Variants in DNM1 observed in about 807,000 individuals in gnomAD.
The protein encoded by DNM1 is dynamin-1.
Under a neutral mutation model 104.6 loss-of-function variants are expected in DNM1, and 29 were observed. The ratio of observed to expected loss-of-function variants is 0.28; its 90% CI spans 0.21 to 0.38. The LOEUF (loss-of-function observed/expected upper bound fraction) is 0.38. Among genes scored for constraint, DNM1 ranks in the 10% least tolerant of loss-of-function variants. The pLI, the probability that DNM1 is intolerant of heterozygous loss-of-function variation, is 1.00. For synonymous variants in DNM1, 445 were observed against 475.8 expected, an observed-to-expected ratio of 0.94 and a Z score of 0.84; for missense variants, 640 against 1,189.4, an observed-to-expected ratio of 0.54 and a Z score of 6.79.
At chr9:128,211,762 T>G (rs1443676562) in intron 1 of DNM1, among the ~76,000 whole-genome samples, 2 of 152,176 alleles carry the variant, frequency 1.3e-5, no homozygotes, top group Non-Finnish European at 2.9e-5. Context: ...GGATGCCTTC[T>G]CTGATGACCC....
At chr9:128,210,040 C>CTGTTT (rs796576189) in intron 1 of DNM1, among the ~76,000 whole-genome samples, 1,662 of 150,744 alleles carry the variant, frequency 0.011, 40 homozygotes, top group African/African-American at 0.037. Flanking sequence ...TTTGTTTTGT[C>CTGTTT]TGTTTTGTTT....
chr9:128,250,391 C>A, intron 20 of DNM1, 35 bp downstream of exon 20: 1 of 1,533,878 alleles, frequency 6.5e-7, no homozygotes, highest in Non-Finnish European at 8.8e-7. Context: ...CCAAAGCCCC[C>A]CAGCCCGGGG....
chr9:128,218,746 C>G lies in DNM1; in HGVS notation c.385+15C>G. The G allele has an allele frequency of 6.3e-7, 1 of 1,577,962 alleles. No individual in the cohort carries two copies. The highest frequency in any genetic ancestry group is 8.6e-7 in the Non-Finnish European group (1 of 1,158,704). Reference sequence around the variant, plus strand: ...CTCGCCGCACGGTGAGGACCCTGGCCCCGCCCTAACCTCTAAGAATCATTT... The same window carrying G: ...CTCGCCGCACGGTGAGGACCCTGGCGCCGCCCTAACCTCTAAGAATCATTT... On this transcript the variant is annotated intron_variant, in intron 3 of 21. Coordinates refer to ENST00000372923, the MANE Select transcript of DNM1 (RefSeq NM_004408.4). This position sits in a 1 kb window ranked among gnomAD's most constrained non-coding sequence, Gnocchi z 4.8.
At chr9:128,214,541 C>T (rs1391466536) in intron 1 of DNM1, among the ~76,000 whole-genome samples, 2 of 152,198 alleles carry the variant, frequency 1.3e-5, no homozygotes, top group African/African-American at 4.8e-5. Context: ...GATCCCAAGT[C>T]TCAGGTCCTA....
chr9:128,206,674 G>A (rs991746773), intron 1 of DNM1, among the ~76,000 whole-genome samples: 5 of 152,054 alleles, frequency 3.3e-5, no homozygotes, highest in South Asian at 2.1e-4. Flanking sequence ...CAAAGGCCCC[G>A]GGGTAGCAAA....
chr9:128,221,043 TTCTTTCTCTCTTTCTCTCTTTCTTTCTC>T (rs1473002354), intron 6 of DNM1: 3 of 147,484 alleles, frequency 2.0e-5, no homozygotes, highest in Non-Finnish European at 3.0e-5. Flanking sequence ...CTTTCTCTCT[TTCTTTCTCTCTTTCTCTCTTTCTTTCTC>T]TCTTTCTCTC....
Position 128,237,422 on chromosome 9 carries a change from C to T in DNM1, c.1423-2023C>T, listed in dbSNP as rs1363568444. Among the ~76,000 whole-genome samples the T allele has an allele frequency of 3.9e-5, 6 of 151,982 alleles. No homozygotes were observed. The East Asian group carries it at 1.2e-3, about 29-fold the overall frequency. On this transcript the variant is annotated intron_variant, in intron 11 of 21. Transcript: ENST00000372923. ...GACCACAGGTGCATGCCACCATGCC[C>T]GGCTAATTTTTGTATTTTTGTAGAG... is the stretch of plus-strand genomic sequence containing the variant.
intron 15 of DNM1, 55 bp from the exon 16 acceptor site, chr9:128,246,339 G>A: frequency 8.3e-7 from 1 of 1,199,582 alleles, no homozygotes; most frequent in Non-Finnish European, 1.2e-6. Flanking sequence ...TAGAGAGTGA[G>A]GTGTGGCAGA....
Position 128,253,017 on chromosome 9 carries a change from C to T in DNM1, c.2535-1637C>T, listed in dbSNP as rs1564357075. 7 of 1,358,958 alleles carry T rather than the reference C, an allele frequency of 5.2e-6. No individual in the cohort carries two copies. Among genetic ancestry groups the T allele is most frequent in the Non-Finnish European group, 5.2e-6 (5 of 954,122 alleles). 84.2% of individuals were successfully genotyped at this position (1,358,958 alleles called of 1,614,324 possible). On this transcript the variant is annotated intron_variant, in intron 21 of 21. Coordinates refer to ENST00000372923, the MANE Select transcript of DNM1 (RefSeq NM_004408.4). This position sits in a 1 kb window ranked among gnomAD's most constrained non-coding sequence, Gnocchi z 5.9. ...CACAGCATGTGTGTGCACGCCCGGG[C>T]GTGTGCGTGTGTGTGTCCCCCACCC... is the stretch of plus-strand genomic sequence containing the variant.
rs976361303 is a variant in DNM1, at chr9:128,240,457, G to A, written c.1557+461G>A. 2.3e-5 allele frequency: 4 copies of A among 174,418 alleles called. No homozygotes were observed. The highest frequency in any genetic ancestry group is 1.2e-4 in the Admixed American group (2 of 16,704). 10.8% of individuals were successfully genotyped at this position (174,418 alleles called of 1,614,324 possible). Reference sequence around the variant, plus strand: ...TGCGGAAACATCCCTCGTCAGAAGCGCTTGCTCAGTTGTACACATGAGCCC... The same window carrying A: ...TGCGGAAACATCCCTCGTCAGAAGCACTTGCTCAGTTGTACACATGAGCCC... On this transcript the variant is annotated intron_variant, in intron 14 of 21. Transcript: ENST00000372923. This position sits in a 1 kb window ranked among gnomAD's most constrained non-coding sequence, Gnocchi z 5.1.
rs1196602025 is a variant in DNM1, at chr9:128,248,571, T to C, written c.1906-12T>C. On this transcript the variant is annotated splice_polypyrimidine_tract_variant and intron_variant, in intron 18 of 21. Coordinates refer to ENST00000372923, the MANE Select transcript of DNM1 (RefSeq NM_004408.4). The surrounding 1 kb of genome is among the most constrained non-coding windows in gnomAD (Gnocchi z 5.6). ...GCCTGGCCACCTGATGCCCTTGTGT[T>C]CTCCATGGCAGGCCAGCGAGACCGA... 4 of 1,610,748 alleles carry C rather than the reference T, an allele frequency of 2.5e-6. No homozygotes were observed. The highest frequency in any genetic ancestry group is 3.3e-5 in the Admixed American group (2 of 59,930).
chr9:128,209,949 G>C (rs770844537), intron 1 of DNM1, among the ~76,000 whole-genome samples: 20 of 152,232 alleles, frequency 1.3e-4, no homozygotes, highest in Admixed American at 1.0e-3. Context: ...ACCCCTAAGT[G>C]TAAGTCTCAG....
At chr9:128,242,621 G>A (rs1288447272) in intron 15 of DNM1, among the ~76,000 whole-genome samples, 2 of 152,152 alleles carry the variant, frequency 1.3e-5, no homozygotes, top group Non-Finnish European at 2.9e-5. Context: ...TTAACCAGGT[G>A]TGTTGGCGGG....
intron 10 of DNM1, chr9:128,231,858 A>T (rs1010405043): frequency 2.0e-5 from 7 of 350,922 alleles, no homozygotes; most frequent in Non-Finnish European, 2.8e-5. Context: ...GAGTCAGCGG[A>T]CAGCGGCTGG....
chr9:128,216,115 G>A (rs1480700937), intron 1 of DNM1, among the ~76,000 whole-genome samples: 1 of 150,796 alleles, frequency 6.6e-6, no homozygotes. Flanking sequence ...TTACTTGTCT[G>A]TCTCTCCCAC....
chr9:128,213,679 T>C (rs1469201311), intron 1 of DNM1, among the ~76,000 whole-genome samples: 1 of 152,160 alleles, frequency 6.6e-6, no homozygotes, highest in East Asian at 1.9e-4. Flanking sequence ...GTGCCTCAGT[T>C]TCTACCCTAT....
rs1201471678 is a variant in DNM1 at position 128,222,449 on chromosome 9, C to T, written c.993-12C>T. On this transcript the variant is annotated splice_polypyrimidine_tract_variant and intron_variant, in intron 7 of 21. Coordinates refer to ENST00000372923, the MANE Select transcript of DNM1 (RefSeq NM_004408.4). The surrounding 1 kb of genome is among the most constrained non-coding windows in gnomAD (Gnocchi z 7.8). ...GCTCCTGCCCCCTCAGGCCACACCA[C>T]TCTCCCACCAGGATGGTCCAGCAGT... 1 of 1,613,912 alleles carries T rather than the reference C, an allele frequency of 6.2e-7. No individual in the cohort carries two copies. The highest frequency in any genetic ancestry group is 8.5e-7 in the Non-Finnish European group (1 of 1,179,934).
chr9:128,249,517 G>A (rs535082807), intron 19 of DNM1, among the ~76,000 whole-genome samples: 16 of 152,078 alleles, frequency 1.1e-4, no homozygotes, highest in South Asian at 2.1e-4. Flanking sequence ...TTAGCCGGGC[G>A]TGGTGGCACA....
chr9:128,216,894 C>T (rs1834638331), intron 1 of DNM1, among the ~76,000 whole-genome samples: 1 of 152,194 alleles, frequency 6.6e-6, no homozygotes, highest in African/African-American at 2.4e-5. Context: ...AATGGTCCCT[C>T]GGGCTTCAAC....
Sources: allele counts gnomAD v4.1 joint callset (sites outside exome capture counted in the v4.1 genomes callset), GRCh38; gene constraint gnomAD v4.1.1; non-coding constraint Gnocchi (gnomAD v3.1); transcripts MANE v1.5; gene names NCBI Gene and HGNC (gene_info 2026-07-23, HGNC 2026-07-21).